ITGA9: variants seen among roughly 807,000 people sequenced by gnomAD.
The protein encoded by ITGA9 is integrin subunit alpha 9.
Under a neutral mutation model 127.8 loss-of-function variants are expected in ITGA9, and 56 were observed. The observed-to-expected ratio is 0.44, with a 90% CI of 0.35 to 0.55. The LOEUF is 0.55. Ranked by LOEUF, ITGA9 falls within the 20% of genes least tolerant of loss-of-function variation. The pLI, the probability that ITGA9 is intolerant of heterozygous loss-of-function variation, is 0.00. For missense variants in ITGA9, 1,196 were observed against 1,347.1 expected (o/e 0.89, Z 1.76); for synonymous variants, 508 against 514.5 (o/e 0.99, Z 0.17).
At chr3:37,691,413 T>C (rs992263456) in intron 18 of ITGA9, among the ~76,000 whole-genome samples, 6 of 151,984 alleles carry the variant, frequency 3.9e-5, no homozygotes, top group African/African-American at 9.7e-5. Flanking sequence ...GAGGAAGCAG[T>C]GAAGACAGTG....
chr3:37,490,978 T>C (rs1698666331), intron 4 of ITGA9, among the ~76,000 whole-genome samples: 3 of 124,218 alleles, frequency 2.4e-5, no homozygotes, highest in South Asian at 3.7e-4. Context: ...CCCCCCGCTT[T>C]TTTTTTTTTT....
chr3:37,755,366 G>T (rs2177052), intron 23 of ITGA9, among the ~76,000 whole-genome samples: 61,093 of 151,876 alleles, frequency 0.4, 13,906 homozygotes, highest in African/African-American at 0.63. Flanking sequence ...AGACAGATGA[G>T]GAGTAGACCC....
intron 15 of ITGA9, among the ~76,000 whole-genome samples, chr3:37,581,732 G>A (rs967152682): frequency 6.6e-6 from 1 of 152,146 alleles, no homozygotes; most frequent in African/African-American, 2.4e-5. Flanking sequence ...CCCTGCAGCC[G>A]TCTGCTTTAA....
intron 17 of ITGA9, among the ~76,000 whole-genome samples, chr3:37,663,129 AG>A (rs55709210): frequency 0.19 from 29,220 of 152,252 alleles, 3,498 homozygotes; most frequent in Admixed American, 0.29. Flanking sequence ...CAAAACGTCC[AG>A]GAACAGGGAT....
chr3:37,521,990 T>C (rs796663856), intron 11 of ITGA9, among the ~76,000 whole-genome samples: 9 of 152,178 alleles, frequency 5.9e-5, no homozygotes, highest in Admixed American at 2.0e-4. Flanking sequence ...AGGAGGGTTA[T>C]TTGCAGTTAT....
chr3:37,796,508 T>A (rs981036230), intron 26 of ITGA9, among the ~76,000 whole-genome samples: 1 of 151,936 alleles, frequency 6.6e-6, no homozygotes, highest in South Asian at 2.1e-4. Flanking sequence ...GATGAATGGA[T>A]GGATGGAACG....
At chr3:37,698,525 G>T (rs919589214) in intron 18 of ITGA9, among the ~76,000 whole-genome samples, 2 of 152,202 alleles carry the variant, frequency 1.3e-5, no homozygotes, top group African/African-American at 2.4e-5. Context: ...AAGGTGTAAG[G>T]AAGAGATCCC....
chr3:37,505,021 C>T (rs1388803234), intron 6 of ITGA9, among the ~76,000 whole-genome samples: 2 of 152,194 alleles, frequency 1.3e-5, no homozygotes, highest in South Asian at 2.1e-4. Context: ...TCCTTTGTTT[C>T]TAGGTTCCTT....
chr3:37,453,538 G>GGA (rs763579056), intron 1 of ITGA9, among the ~76,000 whole-genome samples: 2 of 152,276 alleles, frequency 1.3e-5, no homozygotes, highest in South Asian at 4.1e-4. Flanking sequence ...CTTCTTGATA[G>GGA]GAGAGAGAGT....
At chr3:37,816,932 G>A (rs1697440752) in intron 27 of ITGA9, among the ~76,000 whole-genome samples, 1 of 152,184 alleles carries the variant, frequency 6.6e-6, no homozygotes, top group Non-Finnish European at 1.5e-5. Context: ...GAATGCTCAG[G>A]ATCTCCTTGG....
intron 27 of ITGA9, chr3:37,818,191 T>TTAAAAAAAAAA (rs1553674108): frequency 2.5e-4 from 8 of 31,970 alleles, no homozygotes; most frequent in African/African-American, 7.5e-4. Flanking sequence ...TAAGACTCTC[T>TTAAAAAAAAAA]AAAAAAAAAA....
intron 13 of ITGA9, among the ~76,000 whole-genome samples, chr3:37,527,849 G>C (rs267510): frequency 6.6e-6 from 1 of 151,364 alleles, no homozygotes; most frequent in African/African-American, 2.4e-5. Context: ...GCAATGGTGT[G>C]ATCTCAGCTC....
At chr3:37,457,889 A>G (rs1698278014) in intron 1 of ITGA9, among the ~76,000 whole-genome samples, 1 of 152,248 alleles carries the variant, frequency 6.6e-6, no homozygotes, top group Non-Finnish European at 1.5e-5. Flanking sequence ...ACCAGTCATT[A>G]ACGGCCCTGA....
At chr3:37,693,470 T>A (rs193073053) in intron 18 of ITGA9, among the ~76,000 whole-genome samples, 1 of 152,334 alleles carries the variant, frequency 6.6e-6, no homozygotes. Context: ...ATCAAGTGAT[T>A]CTTCAGATTA....
At chr3:37,798,777 T>C (rs1697203233) in intron 26 of ITGA9, among the ~76,000 whole-genome samples, 1 of 152,244 alleles carries the variant, frequency 6.6e-6, no homozygotes, top group Non-Finnish European at 1.5e-5. Flanking sequence ...GTAATTTTTT[T>C]CCTGTGACTA....
chr3:37,658,727 T>C (rs559467603), intron 17 of ITGA9, among the ~76,000 whole-genome samples: 1 of 152,298 alleles, frequency 6.6e-6, no homozygotes, highest in East Asian at 1.9e-4. Flanking sequence ...ACCCTTTCAT[T>C]ATGATGCTAG....
intron 1 of ITGA9, among the ~76,000 whole-genome samples, chr3:37,462,088 T>A (rs1698321600): frequency 6.6e-6 from 1 of 152,238 alleles, no homozygotes; most frequent in South Asian, 2.1e-4. Context: ...ATCCCTTGGA[T>A]TTTAGTGTTC....
At chr3:37,617,285 T>A (rs1700084011) in intron 15 of ITGA9, among the ~76,000 whole-genome samples, 1 of 152,236 alleles carries the variant, frequency 6.6e-6, no homozygotes, top group Non-Finnish European at 1.5e-5. Context: ...ATGTTGAATA[T>A]TGGCCCCCAC....
At chr3:37,454,759 CTGT>C (rs1260198072) in intron 1 of ITGA9, among the ~76,000 whole-genome samples, 1 of 152,078 alleles carries the variant, frequency 6.6e-6, no homozygotes, top group Admixed American at 6.5e-5. Context: ...TGTTCTCATG[CTGT>C]TGTTTTCAAG....
Sources: allele counts gnomAD v4.1 joint callset (sites outside exome capture counted in the v4.1 genomes callset), GRCh38; gene constraint gnomAD v4.1.1; transcripts MANE v1.5; gene names NCBI Gene and HGNC (gene_info 2026-07-23, HGNC 2026-07-21).